PMFBP1: variants seen among roughly 807,000 people sequenced by gnomAD.
PMFBP1 encodes the protein polyamine modulated factor 1 binding protein 1.
A neutral mutation model predicts 137.8 loss-of-function variants in PMFBP1; 131 were observed. The ratio of observed to expected loss-of-function variants is 0.95; its 90% CI spans 0.82 to 1.10. The LOEUF (loss-of-function observed/expected upper bound fraction) is 1.10. Ranked by LOEUF, PMFBP1 falls within the 50% of genes least tolerant of loss-of-function variation. The pLI, the probability that PMFBP1 is intolerant of heterozygous loss-of-function variation, is 0.00. For synonymous variants in PMFBP1, 490 were observed against 450.4 expected, an observed-to-expected ratio of 1.09 and a Z score of -1.11; for missense variants, 1,199 against 1,175.4, an observed-to-expected ratio of 1.02 and a Z score of -0.29.
chr16:72,187,682 AAC>A, the PMFBP1 span, among the ~76,000 whole-genome samples: 1 of 152,224 alleles, frequency 6.6e-6, no homozygotes, highest in Non-Finnish European at 1.5e-5. Flanking sequence ...CTTTCTGATG[AAC>A]AGTCATTTCC....
chr16:72,118,997 A>G (rs899395566), downstream of PMFBP1: 5 of 246,226 alleles, frequency 2.0e-5, no homozygotes, highest in Non-Finnish European at 3.1e-5. Context: ...TATGGAAGAG[A>G]CCAATATCTC....
chr16:72,136,300 G>T, intron 9 of PMFBP1, 148 bp downstream of exon 9: 1 of 865,370 alleles, frequency 1.2e-6, no homozygotes, highest in Non-Finnish European at 1.8e-6. Context: ...GCTTAGAATT[G>T]AGCCTGGGCC....
rs753415135 is a variant in PMFBP1 at position 72,124,942 on chromosome 16, G to A, written c.2422-8C>T. 4 of 1,612,326 alleles carry A rather than the reference G, an allele frequency of 2.5e-6. No individual in the cohort carries two copies. Among genetic ancestry groups the A allele is most frequent in the East Asian group, 4.5e-5 (2 of 44,828 alleles). Reference sequence around the variant, plus strand: ...CTTGTCAAAGGCGTGCACCTACTCAGGAGAGCAAAGTGAGGAGGGGGACTC... The same window carrying A: ...CTTGTCAAAGGCGTGCACCTACTCAAGAGAGCAAAGTGAGGAGGGGGACTC... On this transcript the variant is annotated splice_polypyrimidine_tract_variant and splice_region_variant and intron_variant, in intron 16 of 20. Transcript: ENST00000237353.
At chr16:72,123,741 A>G (rs1257808420) in intron 17 of PMFBP1, 92 bp from the exon 18 acceptor site, 1 of 1,175,112 alleles carries the variant, frequency 8.5e-7, no homozygotes, top group East Asian at 2.4e-5. Context: ...TCTCCCTGGG[A>G]AAAGAAAACT....
chr16:72,165,035 G>A (rs1349068257), intron 2 of PMFBP1, 119 bp from the exon 3 acceptor site: 1 of 1,058,584 alleles, frequency 9.4e-7, no homozygotes, highest in East Asian at 2.6e-5. Context: ...TCAACCATTA[G>A]CTGTTATTAC....
At chr16:72,209,616 T>TA in the PMFBP1 span, among the ~76,000 whole-genome samples, 1 of 152,162 alleles carries the variant, frequency 6.6e-6, no homozygotes, top group Non-Finnish European at 1.5e-5. Context: ...CAATTTTTTC[T>TA]AAAATATAAT....
chr16:72,201,018 T>C, the PMFBP1 span, among the ~76,000 whole-genome samples: 1 of 152,218 alleles, frequency 6.6e-6, no homozygotes, highest in Non-Finnish European at 1.5e-5. Flanking sequence ...GTCCACTTAA[T>C]GTTTCCCCAT....
At chr16:72,123,118 C>A in intron 18 of PMFBP1, 130 bp from the exon 19 acceptor site, 1 of 780,964 alleles carries the variant, frequency 1.3e-6, no homozygotes, top group Non-Finnish European at 2.1e-6. Flanking sequence ...CACGCATCAC[C>A]CCGTCCGCAG....
At chr16:72,213,804 G>C in the PMFBP1 span, among the ~76,000 whole-genome samples, 1 of 152,216 alleles carries the variant, frequency 6.6e-6, no homozygotes, top group African/African-American at 2.4e-5. Context: ...AGAGATCAAG[G>C]ATTAGTAGGT....
At chr16:72,216,404 T>C in the PMFBP1 span, among the ~76,000 whole-genome samples, 1 of 152,144 alleles carries the variant, frequency 6.6e-6, no homozygotes, top group African/African-American at 2.4e-5. Flanking sequence ...ATATGTGGCA[T>C]TGGTTTAATG....
chr16:72,248,456 T>C, the PMFBP1 span, among the ~76,000 whole-genome samples: 1 of 152,116 alleles, frequency 6.6e-6, no homozygotes, highest in Non-Finnish European at 1.5e-5. Flanking sequence ...TGTGACTGAA[T>C]CAGTGAATAT....
In PMFBP1 at chr16:72,136,616, G is replaced by C. The variant is rs776828449; in HGVS notation, c.1046-11C>G. ...CCAGCTTCATCATGTCTACCATGGG[G>C]CGGGACAGAGTCTATGCTCAGGGGA... On this transcript the variant is annotated splice_polypyrimidine_tract_variant and intron_variant, in intron 8 of 20. Transcript: ENST00000237353. 6.2e-7 allele frequency: 1 copy of C among 1,614,034 alleles called. No individual in the cohort carries two copies. The highest frequency in any genetic ancestry group is 8.5e-7 in the Non-Finnish European group (1 of 1,180,018).
In PMFBP1 at chr16:72,136,827, A is replaced by T; in HGVS notation, c.919-8T>A. ...CTGCAAGTGCTTCAGTATCTGGCAG[A>T]TGGAAGAACAGGGCAGGATGAGGAG... On this transcript the variant is annotated splice_region_variant and splice_polypyrimidine_tract_variant and intron_variant, in intron 7 of 20. Transcript: ENST00000237353. The T allele has an allele frequency of 6.2e-7, 1 of 1,614,090 alleles. No homozygotes were observed. The highest frequency in any genetic ancestry group is 8.5e-7 in the Non-Finnish European group (1 of 1,180,036).
chr16:72,182,256 A>G, the PMFBP1 span, among the ~76,000 whole-genome samples: 1 of 152,192 alleles, frequency 6.6e-6, no homozygotes, highest in Non-Finnish European at 1.5e-5. Flanking sequence ...GCACTTTGGG[A>G]GGCCAATGTG....
At chr16:72,125,831 A>G in intron 15 of PMFBP1, 137 bp downstream of exon 15, 1 of 1,120,200 alleles carries the variant, frequency 8.9e-7, no homozygotes. Context: ...CTCTGCACAG[A>G]CATCCCAGCC....
chr16:72,219,430 G>A, the PMFBP1 span, among the ~76,000 whole-genome samples: 18 of 152,256 alleles, frequency 1.2e-4, no homozygotes, highest in Middle Eastern at 3.4e-3. Flanking sequence ...ACCCAGGAGC[G>A]CGTGGACAGG....
the PMFBP1 span, among the ~76,000 whole-genome samples, chr16:72,212,381 A>G: frequency 1.3e-5 from 2 of 152,096 alleles, no homozygotes; most frequent in Non-Finnish European, 2.9e-5. Flanking sequence ...TGTCTAGAAG[A>G]GGTTGGCAAT....
In PMFBP1 at chr16:72,164,663, T is replaced by C; in HGVS notation, c.165+101A>G. 2.8e-6 allele frequency: 4 copies of C among 1,417,374 alleles called. No homozygotes were observed. The South Asian group carries it at 5.4e-5, about 19-fold the overall frequency. 87.8% of individuals were successfully genotyped at this position (1,417,374 alleles called of 1,614,324 possible). A position where few individuals can be genotyped will look rare whatever the true frequency, so the allele number is the denominator to read the frequency against. On this transcript the variant is annotated intron_variant, in intron 3 of 20. Transcript: ENST00000237353. ...CTCTCATTGCTTGCTTAATAAGTACTCCTGAATGAACAGTGGAAGAACTTT... is the reference window on the plus strand; with the variant it reads ...CTCTCATTGCTTGCTTAATAAGTACCCCTGAATGAACAGTGGAAGAACTTT...
chr16:72,223,650 T>C, the PMFBP1 span, among the ~76,000 whole-genome samples: 1 of 152,114 alleles, frequency 6.6e-6, no homozygotes, highest in Non-Finnish European at 1.5e-5. Context: ...AAATCATAAG[T>C]AAGGGCCAAC....
Sources: gnomAD v4.1 joint callset for allele counts (sites outside exome capture counted in the v4.1 genomes callset) on GRCh38, gnomAD v4.1.1 for gene constraint, MANE v1.5 for transcripts, NCBI Gene and HGNC (gene_info 2026-07-23, HGNC 2026-07-21) for gene names.